Variants in GPATCH11 observed in about 807,000 individuals in gnomAD.
The protein encoded by GPATCH11 is G patch domain-containing protein 11.
A neutral mutation model predicts 44.8 loss-of-function variants in GPATCH11; 32 were observed. That is an observed-to-expected ratio of 0.71 (90% CI 0.54 to 0.96). The LOEUF (loss-of-function observed/expected upper bound fraction) is 0.96. Among genes scored for constraint, GPATCH11 ranks in the 40% least tolerant of loss-of-function variants. GPATCH11 has a pLI of 0.00. For missense variants in GPATCH11, 324 were observed against 303.1 expected (o/e 1.07, Z -0.51); for synonymous variants, 84 against 94.4 (o/e 0.89, Z 0.64).
Position 37,098,305 on chromosome 2 carries a change from A to C in GPATCH11, c.*2042A>C, listed in dbSNP as rs960477622. 6.6e-6 allele frequency: 1 copy of C among 151,116 alleles called. No homozygotes were observed. Among genetic ancestry groups the C allele is most frequent in the Non-Finnish European group, 1.5e-5 (1 of 67,948 alleles). The allele number at this position is 151,116 out of a possible 1,614,324, so 9.4% of individuals were successfully genotyped here. On this transcript the variant is annotated 3_prime_UTR_variant, in exon 9 of 9. Transcript: ENST00000674370. ...GCTGCTGCACTCCAGCCTGGGTGACAGAGCAAGACCCTGTCTCAAAAAAAA... is the reference window on the plus strand; with the variant it reads ...GCTGCTGCACTCCAGCCTGGGTGACCGAGCAAGACCCTGTCTCAAAAAAAA...
At chr2:37,086,127 C>A (rs1190488159) in intron 1 of GPATCH11, among the ~76,000 whole-genome samples, 1 of 152,182 alleles carries the variant, frequency 6.6e-6, no homozygotes, top group East Asian at 1.9e-4. Flanking sequence ...GTTGGTTACA[C>A]AGGTTAATCC....
chr2:37,094,594 C>G (rs553846336), intron 7 of GPATCH11, among the ~76,000 whole-genome samples: 11 of 152,240 alleles, frequency 7.2e-5, no homozygotes, highest in African/African-American at 2.6e-4. Context: ...TTCTACAAGT[C>G]ATTCTAATGT....
Position 37,099,065 on chromosome 2 carries a change from CATGTT to C in GPATCH11, c.*2803_*2807del, listed in dbSNP as rs1558400866. Reference sequence around the variant, plus strand: ...TGCAAAACAATGTAAAATTTAATGTCATGTTGTCATTTACTTTTGTGTATATTGTG... The same window carrying C: ...TGCAAAACAATGTAAAATTTAATGTCGTCATTTACTTTTGTGTATATTGTG... On this transcript the variant is annotated 3_prime_UTR_variant, in exon 9 of 9. Transcript: ENST00000674370. 2.0e-5 allele frequency: 3 copies of C among 152,144 alleles called. No individual in the cohort carries two copies. Among genetic ancestry groups the C allele is most frequent in the Admixed American group, 1.3e-4 (2 of 15,284 alleles). 9.4% of individuals were successfully genotyped at this position (152,144 alleles called of 1,614,324 possible).
intron 1 of GPATCH11, among the ~76,000 whole-genome samples, chr2:37,086,310 A>C (rs1024956309): frequency 1.1e-4 from 17 of 152,210 alleles, no homozygotes; most frequent in Admixed American, 1.3e-4. Context: ...AGTGTTTAAA[A>C]ATGACTTGTT....
chr2:37,094,120 G>C lies in GPATCH11; in HGVS notation c.579G>C (p.Arg193Ser). The change falls in exon 7 of 9, where the codon AGG becomes AGC. Residue 193 changes from arginine (R) to serine (S), a missense_variant. Physicochemically the swap from Arg to Ser is moderately radical, Grantham distance 110. Transcript: ENST00000674370. ...CCAGGGAAGCATGGTACTGGTTGAGGCTTGAAGAGGAGACTGAAGAAGATG... is the reference window on the plus strand; with the variant it reads ...CCAGGGAAGCATGGTACTGGTTGAGCCTTGAAGAGGAGACTGAAGAAGATG... Reference protein sequence around the residue: ...QVPREAWYWLRLEEETEEDEE... With the variant: ...QVPREAWYWLSLEEETEEDEE... 1 of 1,597,740 alleles carries C rather than the reference G, an allele frequency of 6.3e-7. No individual in the cohort carries two copies. Among genetic ancestry groups the C allele is most frequent in the African/African-American group, 1.3e-5 (1 of 74,824 alleles).
Position 37,088,357 on chromosome 2 carries a change from C to G in GPATCH11, c.-13-12C>G, listed in dbSNP as rs763456749. On this transcript the variant is annotated splice_polypyrimidine_tract_variant and intron_variant, in intron 1 of 8. Coordinates refer to ENST00000674370, the MANE Select transcript of GPATCH11 (RefSeq NM_174931.4). Reference sequence around the variant, plus strand: ...AAACTAAAAAAAAAAGTAATTATTACTTTATTTGTAGATACTATAGCCATA... The same window carrying G: ...AAACTAAAAAAAAAAGTAATTATTAGTTTATTTGTAGATACTATAGCCATA... 2 of 1,341,438 alleles carry G rather than the reference C, an allele frequency of 1.5e-6. No homozygotes were observed. Among genetic ancestry groups the G allele is most frequent in the South Asian group, 2.7e-5 (2 of 72,812 alleles). 83.1% of individuals were successfully genotyped at this position (1,341,438 alleles called of 1,614,324 possible). A position where few individuals can be genotyped will look rare whatever the true frequency, so the allele number is the denominator to read the frequency against.
chr2:37,087,768 G>A (rs1673118243), intron 1 of GPATCH11, among the ~76,000 whole-genome samples: 1 of 152,152 alleles, frequency 6.6e-6, no homozygotes, highest in Admixed American at 6.5e-5. Context: ...GGAGCCATGG[G>A]GCTTGAATAA....
At chr2:37,084,864 A>T (rs1672907094) in intron 1 of GPATCH11, among the ~76,000 whole-genome samples, 1 of 152,218 alleles carries the variant, frequency 6.6e-6, no homozygotes, top group Non-Finnish European at 1.5e-5. Context: ...CCCCTAAAAA[A>T]ACAAAAACAA....
chr2:37,089,649 C>T lies in GPATCH11; in HGVS notation c.69C>T (p.Ile23=), dbSNP rs780713628. ...CTTTTCCCTTATTCAGAGAAGATAT[C>T]AGACCAGGATTGCCAATGCTAAGGC... ...SDSFINVQED[I]RPGLPMLRQI... is the part of the protein sequence containing the mutation. Residue 23 remains isoleucine, a synonymous_variant, in exon 3 of 9, where the codon ATC becomes ATT. Transcript: ENST00000674370. 331 of 1,549,382 alleles carry T rather than the reference C, an allele frequency of 2.1e-4. 1 individual carries two copies. The highest frequency in any genetic ancestry group is 3.3e-4 in the Middle Eastern group (2 of 6,000).
chr2:37,085,382 T>A (rs955430309), intron 1 of GPATCH11, among the ~76,000 whole-genome samples: 26 of 152,314 alleles, frequency 1.7e-4, no homozygotes, highest in African/African-American at 6.3e-4. Flanking sequence ...TAAAAATGTG[T>A]GATATACTGG....
Position 37,088,347 on chromosome 2 carries a change from GTAAT to G in GPATCH11, c.-13-19_-13-16del. The G allele has an allele frequency of 8.2e-7, 1 of 1,226,970 alleles. No individual in the cohort carries two copies. Among genetic ancestry groups the G allele is most frequent in the Non-Finnish European group, 1.1e-6 (1 of 876,294 alleles). The allele number at this position is 1,226,970 out of a possible 1,614,324, so 76.0% of individuals were successfully genotyped here. A position where few individuals can be genotyped will look rare whatever the true frequency, so the allele number is the denominator to read the frequency against. On this transcript the variant is annotated intron_variant, in intron 1 of 8. Coordinates refer to ENST00000674370, the MANE Select transcript of GPATCH11 (RefSeq NM_174931.4). ...CCATTCTGATAAACTAAAAAAAAAA[GTAAT>G]TATTACTTTATTTGTAGATACTATA...
rs994823838 is a variant in GPATCH11, at chr2:37,097,482, ATATT to A, written c.*1225_*1228del. On this transcript the variant is annotated 3_prime_UTR_variant, in exon 9 of 9. Coordinates refer to ENST00000674370, the MANE Select transcript of GPATCH11 (RefSeq NM_174931.4). ...GCTAAGGTGGTTCCTGGATATCTAT[ATATT>A]TATTTTGAAGTCCCAAGAATGAGTG... The A allele has an allele frequency of 2.6e-5, 4 of 152,124 alleles. No homozygotes were observed. The highest frequency in any genetic ancestry group is 3.9e-4 in the East Asian group (2 of 5,192). 9.4% of individuals were successfully genotyped at this position (152,124 alleles called of 1,614,324 possible). A position where few individuals can be genotyped will look rare whatever the true frequency, so the allele number is the denominator to read the frequency against.
At chr2:37,091,891 T>C (rs1396703738) in intron 4 of GPATCH11, 25 bp from the exon 5 acceptor site, 1 of 1,600,912 alleles carries the variant, frequency 6.2e-7, no homozygotes, top group Non-Finnish European at 8.5e-7. Flanking sequence ...AGGATGTTTC[T>C]CATCAGAATT....
At chr2:37,089,574 TAAA>T (rs371385606) in intron 2 of GPATCH11, 63 bp from the exon 3 acceptor site, 1,105 of 959,332 alleles carry the variant, frequency 1.2e-3, no homozygotes, top group Non-Finnish European at 1.4e-3. Flanking sequence ...TCTCAAAAAA[TAAA>T]AAAAAAAAAA....
intron 2 of GPATCH11, among the ~76,000 whole-genome samples, chr2:37,089,077 C>T (rs1673181578): frequency 6.6e-6 from 1 of 152,126 alleles, no homozygotes; most frequent in African/African-American, 2.4e-5. Flanking sequence ...CATAGTAAGT[C>T]TAAACTTACT....
rs1673734440 is a variant in GPATCH11 at position 37,098,904 on chromosome 2, G to A, written c.*2641G>A. On this transcript the variant is annotated 3_prime_UTR_variant, in exon 9 of 9. Transcript: ENST00000674370. ...TCTTAAGGGAATAAAAAAAAAATCAGACTTTCAATATGAGTAACAAGTTAT... is the reference window on the plus strand; with the variant it reads ...TCTTAAGGGAATAAAAAAAAAATCAAACTTTCAATATGAGTAACAAGTTAT... 6.6e-6 allele frequency: 1 copy of A among 152,060 alleles called. No homozygotes were observed. Among genetic ancestry groups the A allele is most frequent in the Non-Finnish European group, 1.5e-5 (1 of 68,000 alleles). The allele number at this position is 152,060 out of a possible 1,614,324, so 9.4% of individuals were successfully genotyped here.
Position 37,090,808 on chromosome 2 carries a change from T to G in GPATCH11, c.328+86T>G, listed in dbSNP as rs552614113. 9.4e-5 allele frequency: 64 copies of G among 678,316 alleles called. No individual in the cohort carries two copies. In the African/African-American group the frequency reaches 1.0e-3, roughly 11 times the overall value. 42.0% of individuals were successfully genotyped at this position (678,316 alleles called of 1,614,324 possible). ...ATATATTTGCTCAATAAATACTTTTTTTTAAATGATAATACTGTTACAGTT... is the reference window on the plus strand; with the variant it reads ...ATATATTTGCTCAATAAATACTTTTGTTTAAATGATAATACTGTTACAGTT... On this transcript the variant is annotated intron_variant, in intron 4 of 8. Coordinates refer to ENST00000674370, the MANE Select transcript of GPATCH11 (RefSeq NM_174931.4).
intron 6 of GPATCH11, among the ~76,000 whole-genome samples, chr2:37,093,685 TCTCA>T (rs1410890670): frequency 1.3e-5 from 2 of 151,904 alleles, no homozygotes; most frequent in Non-Finnish European, 2.9e-5. Context: ...TGAGATGGAG[TCTCA>T]CTCTGTCACC....
chr2:37,095,865 A>G (rs1162904068), intron 8 of GPATCH11, among the ~76,000 whole-genome samples: 1 of 152,192 alleles, frequency 6.6e-6, no homozygotes, highest in African/African-American at 2.4e-5. Flanking sequence ...ATTTTTATAT[A>G]CTTAGATAGA....
Sources: gnomAD v4.1 joint callset for allele counts (sites outside exome capture counted in the v4.1 genomes callset) on GRCh38, gnomAD v4.1.1 for gene constraint, MANE v1.5 for transcripts, NCBI Gene and HGNC (gene_info 2026-07-23, HGNC 2026-07-21) for gene names.